Variants in CCNB3 observed in about 807,000 individuals in gnomAD.
The protein encoded by CCNB3 is cyclin B3, also known as G2/mitotic-specific cyclin-B3.
A neutral mutation model predicts 68.0 loss-of-function variants in CCNB3; 12 were observed. The ratio of observed to expected loss-of-function variants is 0.18; its 90% CI spans 0.11 to 0.29. The LOEUF is 0.29. Among genes scored for constraint, CCNB3 ranks in the 10% least tolerant of loss-of-function variants. CCNB3 has a pLI of 1.00. For missense variants in CCNB3, 904 were observed against 993.1 expected (o/e 0.91, Z 1.21); for synonymous variants, 354 against 388.9 (o/e 0.91, Z 1.06).
At chrX:50,205,786 T>C (rs1175207106) in intron 1 of CCNB3, among the ~76,000 whole-genome samples, 1 of 107,508 alleles carries the variant, frequency 9.3e-6, no homozygotes, top group African/African-American at 3.4e-5. Flanking sequence ...AAACCCCGTC[T>C]CTATTAACAA....
At chrX:50,339,949 G>A (rs1443940443) in intron 8 of CCNB3, among the ~76,000 whole-genome samples, 1 of 111,460 alleles carries the variant, frequency 9.0e-6, no homozygotes, top group Non-Finnish European at 1.9e-5. Flanking sequence ...TTCAACATGA[G>A]ATATAGAGGG....
In CCNB3 at chrX:50,350,232, T is replaced by A. The variant is rs1047852560; in HGVS notation, c.3961-1009T>A. Among the ~76,000 whole-genome samples the A allele has an allele frequency of 3.2e-5, 3 of 94,327 alleles. No homozygotes were observed. The East Asian group carries it at 9.4e-4, about 30-fold the overall frequency. 81.9% of individuals were successfully genotyped at this position (94,327 alleles called of 115,157 possible). ...GTTCCAGACTCTGTTCTATGTATGATACACACATACACAAATACACACACA... is the reference window on the plus strand; with the variant it reads ...GTTCCAGACTCTGTTCTATGTATGAAACACACATACACAAATACACACACA... On this transcript the variant is annotated intron_variant, in intron 11 of 12. Transcript: ENST00000376042.
Position 50,317,799 on chromosome X carries a change from A to T in CCNB3, c.3516+3851A>T, listed in dbSNP as rs996802916. Among the ~76,000 whole-genome samples, 6 of 110,269 alleles carry T rather than the reference A, an allele frequency of 5.4e-5. No homozygotes were observed. The South Asian group carries it at 1.2e-3, about 22-fold the overall frequency. On this transcript the variant is annotated intron_variant, in intron 8 of 12. Transcript: ENST00000376042. The stretch of plus-strand genomic sequence containing the variant: ...TGGCCAGGCTGGTCTCAAACTCCTG[A>T]CCTCAGGTGATCCGCCTGCCTCAGC...
Position 50,346,698 on chromosome X carries a change from A to G in CCNB3, c.3701A>G (p.Asp1234Gly). The G allele has an allele frequency of 8.3e-7, 1 of 1,211,386 alleles. No homozygotes were observed. Among genetic ancestry groups the G allele is most frequent in the African/African-American group, 1.7e-5 (1 of 57,811 alleles). ...RVDDFVYICD[D>G]NYQRSEVLSM... is the part of the protein sequence containing the mutation. ...GATGACTTTGTGTACATCTGTGATGATAATTATCAGCGATCTGAGGTACTC... is the reference window on the plus strand; with the variant it reads ...GATGACTTTGTGTACATCTGTGATGGTAATTATCAGCGATCTGAGGTACTC... The change falls in exon 10 of 13, where the codon GAT (aspartate) becomes GGT (glycine). Residue 1234 changes from aspartate to glycine, a missense_variant. Physicochemically the swap from Asp to Gly is moderately conservative, Grantham distance 94. Coordinates refer to ENST00000376042, the MANE Select transcript of CCNB3 (RefSeq NM_033031.3).
chrX:50,214,475 C>CATATATATATATATATATATATATAT lies in CCNB3; in HGVS notation c.-113+9534_-113+9559dup, dbSNP rs1184201216. Among the ~76,000 whole-genome samples, 58 of 9,480 alleles carry CATATATATATATATATATATATATAT rather than the reference C, an allele frequency of 6.1e-3. 10 individuals carry two copies. The highest frequency in any genetic ancestry group is 0.02 in the East Asian group (2 of 100). The allele number at this position is 9,480 out of a possible 115,157, so 8.2% of individuals were successfully genotyped here. On this transcript the variant is annotated intron_variant, in intron 1 of 12. Coordinates refer to ENST00000376042, the MANE Select transcript of CCNB3 (RefSeq NM_033031.3). Reference sequence around the variant, plus strand: ...TTACCTTTCAGTTTTAGCTGTGGCCCATATATATATATATATATATATATA... The same window carrying CATATATATATATATATATATATATAT: ...TTACCTTTCAGTTTTAGCTGTGGCCCATATATATATATATATATATATATATATATATATATATATATATATATATA...
intron 11 of CCNB3, 96 bp downstream of exon 11, chrX:50,347,871 T>TG: frequency 1.1e-6 from 1 of 901,982 alleles, no homozygotes. Context: ...GGGAAACTCT[T>TG]GGGGACAAAA....
intron 5 of CCNB3, among the ~76,000 whole-genome samples, chrX:50,295,788 C>T (rs1049947097): frequency 1.8e-5 from 2 of 111,235 alleles, no homozygotes; most frequent in South Asian, 7.6e-4. Context: ...GCTATTTAGC[C>T]AACACATACC....
At chrX:50,209,192 C>T (rs1263007514) in intron 1 of CCNB3, among the ~76,000 whole-genome samples, 2 of 111,854 alleles carry the variant, frequency 1.8e-5, no homozygotes, top group Non-Finnish European at 3.8e-5. Flanking sequence ...CATATGTAAA[C>T]ACCCATGATT....
chrX:50,225,723 G>C (rs1328949668), intron 1 of CCNB3, among the ~76,000 whole-genome samples: 1 of 108,928 alleles, frequency 9.2e-6, no homozygotes, highest in Non-Finnish European at 1.9e-5. Context: ...TTCAATAAAA[G>C]GTTTGATGTG....
chrX:50,311,284 T>G lies in CCNB3; in HGVS notation c.3115T>G (p.Cys1039Gly). 1 of 1,211,545 alleles carries G rather than the reference T, an allele frequency of 8.3e-7. No individual in the cohort carries two copies. The highest frequency in any genetic ancestry group is 1.1e-6 in the Non-Finnish European group (1 of 895,477). The change falls in exon 6 of 13, where the codon TGC becomes GGC. Residue 1039 changes from cysteine to glycine, a missense_variant. Physicochemically the swap from Cys to Gly is radical, Grantham distance 159. Transcript: ENST00000376042. Reference sequence around the variant, plus strand: ...ATTGGCCTTACAAGAGAGTCCCACCTGCAAGGAAGACACCTTTCTGGAAAC... The same window carrying G: ...ATTGGCCTTACAAGAGAGTCCCACCGGCAAGGAAGACACCTTTCTGGAAAC... ...EPLALQESPT[C>G]KEDTFLETFL...
At chrX:50,306,548 G>A (rs1405416544) in intron 5 of CCNB3, among the ~76,000 whole-genome samples, 2 of 111,785 alleles carry the variant, frequency 1.8e-5, no homozygotes, top group Non-Finnish European at 3.8e-5. Flanking sequence ...TTTTCTCCCT[G>A]ATCTTAGGGG....
chrX:50,319,348 T>G (rs1257979625), intron 8 of CCNB3, among the ~76,000 whole-genome samples: 5 of 111,848 alleles, frequency 4.5e-5, no homozygotes, highest in Non-Finnish European at 9.4e-5. Context: ...ACATGTTTTG[T>G]TAGATTTATA....
At chrX:50,312,461 T>C in intron 6 of CCNB3, 76 bp from the exon 7 acceptor site, 1 of 792,621 alleles carries the variant, frequency 1.3e-6, no homozygotes, top group Non-Finnish European at 1.9e-6. Flanking sequence ...GAGAAAGGAG[T>C]AATCATTGAT....
intron 1 of CCNB3, among the ~76,000 whole-genome samples, chrX:50,217,422 G>A (rs1225275928): frequency 9.2e-6 from 1 of 108,661 alleles, no homozygotes; most frequent in Non-Finnish European, 1.9e-5. Context: ...ACAGGCGTCC[G>A]CCACCACGTC....
intron 1 of CCNB3, among the ~76,000 whole-genome samples, chrX:50,226,179 A>G (rs1342372065): frequency 2.8e-5 from 2 of 71,726 alleles, no homozygotes; most frequent in East Asian, 8.1e-4. Flanking sequence ...ATATACATAT[A>G]TAGATATATA....
At chrX:50,300,293 A>G (rs1189964547) in intron 5 of CCNB3, among the ~76,000 whole-genome samples, 1 of 111,293 alleles carries the variant, frequency 9.0e-6, no homozygotes, top group Non-Finnish European at 1.9e-5. Flanking sequence ...TTCCATGTTT[A>G]GTGCTTCCTT....
chrX:50,309,753 A>G lies in CCNB3; in HGVS notation c.1584A>G (p.Glu528=). The change falls in exon 6 of 13, where the codon GAA becomes GAG. Residue 528 remains glutamate, a synonymous_variant. Transcript: ENST00000376042. ...TTAAGGAGCCACTGCCCTTTAAAGAAGAAAAAGTGTCTTTAAAGAAAAAGT... is the reference window on the plus strand; with the variant it reads ...TTAAGGAGCCACTGCCCTTTAAAGAGGAAAAAGTGTCTTTAAAGAAAAAGT... ...SLIKEPLPFK[E]EKVSLKKKCT... is the part of the protein sequence containing the mutation. 8.3e-7 allele frequency: 1 copy of G among 1,210,710 alleles called. No individual in the cohort carries two copies. Among genetic ancestry groups the G allele is most frequent in the Non-Finnish European group, 1.1e-6 (1 of 894,970 alleles).
Position 50,311,486 on chromosome X carries a change from C to T in CCNB3, c.3317C>T (p.Thr1106Ile). 1 of 1,189,129 alleles carries T rather than the reference C, an allele frequency of 8.4e-7. No homozygotes were observed. Among genetic ancestry groups the T allele is most frequent in the Non-Finnish European group, 1.1e-6 (1 of 878,473 alleles). ...DKPVSPQAKG[T>I]PKEITPREDI... ...CCTGTCTCACCACAGGCCAAGGGAA[C>T]ACCAAAGGAGGTATTCATCTCCCTT... Residue 1106 changes from threonine (T) to isoleucine (I), a missense_variant, in exon 6 of 13, where the codon ACA becomes ATA. Around this residue, in one of 2 missense-constraint regions of CCNB3, gnomAD observed 285 missense variants for 383.4 expected, o/e 0.74. Coordinates refer to ENST00000376042, the MANE Select transcript of CCNB3 (RefSeq NM_033031.3).
chrX:50,203,108 AT>A (rs1464291629), upstream of CCNB3, among the ~76,000 whole-genome samples: 1 of 111,385 alleles, frequency 9.0e-6, no homozygotes, highest in African/African-American at 3.3e-5. Context: ...CTTGGTCATC[AT>A]TTTTTTTCTA....
Sources: allele counts gnomAD v4.1 joint callset (sites outside exome capture counted in the v4.1 genomes callset), GRCh38; gene constraint gnomAD v4.1.1; regional missense constraint gnomAD v4.1.1; transcripts MANE v1.5; gene names NCBI Gene and HGNC (gene_info 2026-07-23, HGNC 2026-07-21).